Variants in CORO1C observed in about 807,000 individuals in gnomAD.
CORO1C encodes coronin-1C.
A neutral mutation model predicts 51.2 loss-of-function variants in CORO1C; 14 were observed. The ratio of observed to expected loss-of-function variants is 0.27; its 90% CI spans 0.18 to 0.43. The LOEUF is 0.43. Among genes scored for constraint, CORO1C ranks in the 20% least tolerant of loss-of-function variants. The probability of loss-of-function intolerance (pLI) is 1.00; values close to 1 mark genes in which losing one functional copy is unlikely to be tolerated. For missense variants in CORO1C, 417 were observed against 607.8 expected (o/e 0.69, Z 3.30); for synonymous variants, 181 against 210.5 (o/e 0.86, Z 1.21).
rs147758015 is a variant in CORO1C, at chr12:108,719,893, T to G, written c.-6+11536A>C. Among the ~76,000 whole-genome samples, 327 of 152,326 alleles carry G rather than the reference T, an allele frequency of 2.1e-3. 1 individual carries two copies. Among genetic ancestry groups the G allele is most frequent in the African/African-American group, 7.3e-3 (302 of 41,572 alleles). On this transcript the variant is annotated intron_variant, in intron 1 of 10. Coordinates refer to ENST00000261401, the MANE Select transcript of CORO1C (RefSeq NM_014325.4). ...TACTTCATTGACTCTAAAGTCAAAC[T>G]TGCTAACCAGGCCAGGCACAGTGGC...
chr12:108,701,489 C>A (rs747605922), intron 1 of CORO1C, 166 bp from the exon 2 acceptor site: 12 of 979,576 alleles, frequency 1.2e-5, no homozygotes, highest in Admixed American at 2.7e-5. Context: ...CAGCACATAC[C>A]CGGAGACAAC....
chr12:108,715,644 T>TCC (rs905390161), intron 1 of CORO1C, among the ~76,000 whole-genome samples: 1 of 33,758 alleles, frequency 3.0e-5, no homozygotes, highest in Non-Finnish European at 6.3e-5. Context: ...CCTCCCCCCC[T>TCC]CCCCCCCGCA....
chr12:108,723,960 G>C (rs2035531103), intron 1 of CORO1C, among the ~76,000 whole-genome samples: 1 of 152,138 alleles, frequency 6.6e-6, no homozygotes, highest in African/African-American at 2.4e-5. Context: ...ATAAGACTGA[G>C]GAAATTTAAA....
chr12:108,688,222 A>G (rs1287521054), intron 2 of CORO1C, among the ~76,000 whole-genome samples: 1 of 152,004 alleles, frequency 6.6e-6, no homozygotes, highest in Admixed American at 6.6e-5. Context: ...AGTATATCTT[A>G]TTTATCGATC....
rs1355572148 is a variant in CORO1C, at chr12:108,731,089, A to T, written c.-6+340T>A. 6.5e-6 allele frequency: 1 copy of T among 153,154 alleles called. No individual in the cohort carries two copies. Among genetic ancestry groups the T allele is most frequent in the Non-Finnish European group, 1.5e-5 (1 of 68,876 alleles). 9.5% of individuals were successfully genotyped at this position (153,154 alleles called of 1,614,324 possible). A position where few individuals can be genotyped will look rare whatever the true frequency, so the allele number is the denominator to read the frequency against. ...TGACCCCTAAAAGCCTTCCCTGGGC[A>T]GCCTCGTCCCACCTCGGCCCGCGGC... On this transcript the variant is annotated intron_variant, in intron 1 of 10. Coordinates refer to ENST00000261401, the MANE Select transcript of CORO1C (RefSeq NM_014325.4). This position sits in a 1 kb window ranked among gnomAD's most constrained non-coding sequence, Gnocchi z 5.2.
At chr12:108,718,572 A>G (rs936544110) in intron 1 of CORO1C, among the ~76,000 whole-genome samples, 1 of 152,098 alleles carries the variant, frequency 6.6e-6, no homozygotes, top group Non-Finnish European at 1.5e-5. Context: ...AAAAGAAAAG[A>G]AAATGAAAAC....
chr12:108,724,128 C>G lies in CORO1C; in HGVS notation c.-6+7301G>C, dbSNP rs554812508. Among the ~76,000 whole-genome samples the G allele has an allele frequency of 8.5e-5, 13 of 152,290 alleles. 4 individuals are homozygous for G. Among genetic ancestry groups the G allele is most frequent in the African/African-American group, 3.1e-4 (13 of 41,550 alleles). On this transcript the variant is annotated intron_variant, in intron 1 of 10. Coordinates refer to ENST00000261401, the MANE Select transcript of CORO1C (RefSeq NM_014325.4). Reference sequence around the variant, plus strand: ...ACCAAACTTCACAGTTTAATACATGCACAACCTGAATATGTGGGAAAAAGC... The same window carrying G: ...ACCAAACTTCACAGTTTAATACATGGACAACCTGAATATGTGGGAAAAAGC...
intron 1 of CORO1C, among the ~76,000 whole-genome samples, chr12:108,705,778 A>G (rs2035011678): frequency 6.6e-6 from 1 of 152,172 alleles, no homozygotes; most frequent in South Asian, 2.1e-4. Context: ...ATACACCACA[A>G]TCAAGTGGGA....
chr12:108,705,377 T>A (rs1449345114), intron 1 of CORO1C, among the ~76,000 whole-genome samples: 1 of 144,484 alleles, frequency 6.9e-6, no homozygotes, highest in African/African-American at 2.6e-5. Flanking sequence ...TAAGAATTGC[T>A]TGAACCTGGG....
chr12:108,713,494 T>C (rs1346254207), intron 1 of CORO1C, among the ~76,000 whole-genome samples: 1 of 152,240 alleles, frequency 6.6e-6, no homozygotes, highest in African/African-American at 2.4e-5. Flanking sequence ...ATGCATTTTG[T>C]TTCAATTCAA....
intron 3 of CORO1C, among the ~76,000 whole-genome samples, chr12:108,666,168 CAAAAT>C (rs2033468193): frequency 6.6e-6 from 1 of 152,142 alleles, no homozygotes; most frequent in African/African-American, 2.4e-5. Context: ...TATCCAGTCT[CAAAAT>C]AAAACACGCA....
chr12:108,715,410 G>A (rs1012632489), intron 1 of CORO1C, among the ~76,000 whole-genome samples: 3 of 152,064 alleles, frequency 2.0e-5, no homozygotes, highest in Non-Finnish European at 2.9e-5. Flanking sequence ...TAAGGACTTC[G>A]AAATCATCTC....
intron 1 of CORO1C, among the ~76,000 whole-genome samples, chr12:108,714,801 G>A (rs1345089147): frequency 6.6e-6 from 1 of 151,894 alleles, no homozygotes; most frequent in Non-Finnish European, 1.5e-5. Context: ...TAATAAAGAG[G>A]TATCATACTT....
chr12:108,715,665 A>G (rs1278845336), intron 1 of CORO1C, among the ~76,000 whole-genome samples: 6 of 19,548 alleles, frequency 3.1e-4, no homozygotes, highest in African/African-American at 1.9e-3. Context: ...TACTCACAAC[A>G]CTGGCAGCAG....
chr12:108,716,373 G>A (rs2035337930), intron 1 of CORO1C, among the ~76,000 whole-genome samples: 1 of 152,080 alleles, frequency 6.6e-6, no homozygotes, highest in Non-Finnish European at 1.5e-5. Flanking sequence ...CTTAAAAAGG[G>A]ATGGGGGATA....
chr12:108,701,424 G>GCAT, intron 1 of CORO1C, 101 bp from the exon 2 acceptor site: 1 of 1,549,356 alleles, frequency 6.5e-7, no homozygotes, highest in Non-Finnish European at 8.7e-7. Context: ...GAATGGTATG[G>GCAT]CATTTTGTCT....
chr12:108,709,611 A>C (rs756913182), intron 1 of CORO1C, among the ~76,000 whole-genome samples: 1 of 152,236 alleles, frequency 6.6e-6, no homozygotes, highest in African/African-American at 2.4e-5. Context: ...CACCAAACTT[A>C]GGAGTTCTGT....
At chr12:108,723,951 T>C (rs1379346653) in intron 1 of CORO1C, among the ~76,000 whole-genome samples, 1 of 152,194 alleles carries the variant, frequency 6.6e-6, no homozygotes, top group East Asian at 1.9e-4. Flanking sequence ...GCTCAGATTA[T>C]AAGACTGAGG....
intron 1 of CORO1C, among the ~76,000 whole-genome samples, chr12:108,729,292 A>G (rs2035662317): frequency 6.6e-6 from 1 of 152,210 alleles, no homozygotes; most frequent in Admixed American, 6.5e-5. Flanking sequence ...ATCCTAAACT[A>G]TATATAAATA....
Sources: allele counts gnomAD v4.1 joint callset (sites outside exome capture counted in the v4.1 genomes callset), GRCh38; gene constraint gnomAD v4.1.1; non-coding constraint Gnocchi (gnomAD v3.1); transcripts MANE v1.5; gene names NCBI Gene and HGNC (gene_info 2026-07-23, HGNC 2026-07-21).